QDPR: variants seen among roughly 807,000 people sequenced by gnomAD.
QDPR encodes quinoid dihydropteridine reductase, also known as dihydropteridine reductase.
QDPR carries 23 observed loss-of-function variants against 31.7 expected under a neutral mutation model. That is an observed-to-expected ratio of 0.73 (90% CI 0.52 to 1.03). The LOEUF (loss-of-function observed/expected upper bound fraction) is 1.03, where lower values mean the gene tolerates loss of function less well. Among genes scored for constraint, QDPR ranks in the 50% least tolerant of loss-of-function variants. QDPR has a pLI of 0.00. For missense variants in QDPR, 324 were observed against 323.8 expected, an observed-to-expected ratio of 1.00 and a Z score of 0.00; for synonymous variants, 124 against 124.7, an observed-to-expected ratio of 0.99 and a Z score of 0.03.
chr4:17,511,212 C>T (rs902431369), intron 1 of QDPR, among the ~76,000 whole-genome samples: 2 of 152,154 alleles, frequency 1.3e-5, no homozygotes, highest in African/African-American at 4.8e-5. Flanking sequence ...ATTGCTGAGG[C>T]CTGCTGAGCG....
intron 4 of QDPR, among the ~76,000 whole-genome samples, chr4:17,493,465 G>A (rs927299490): frequency 6.6e-6 from 1 of 152,172 alleles, no homozygotes; most frequent in African/African-American, 2.4e-5. Flanking sequence ...GCAGTCACAA[G>A]TCCTGGGCCA....
intron 2 of QDPR, among the ~76,000 whole-genome samples, chr4:17,507,226 C>A (rs1718818353): frequency 6.6e-6 from 1 of 152,196 alleles, no homozygotes; most frequent in South Asian, 2.1e-4. Flanking sequence ...ATGATCCTGA[C>A]TCCACCACTG....
chr4:17,498,825 C>CA (rs2108991440), intron 4 of QDPR, among the ~76,000 whole-genome samples: 1 of 151,376 alleles, frequency 6.6e-6, no homozygotes, highest in South Asian at 2.1e-4. Flanking sequence ...TTCTGATGTG[C>CA]AAACAAATCT....
Position 17,511,931 on chromosome 4 carries a change from C to T in QDPR, c.105+19G>A, listed in dbSNP as rs1471250298. On this transcript the variant is annotated intron_variant, in intron 1 of 6. Coordinates refer to ENST00000281243, the MANE Select transcript of QDPR (RefSeq NM_000320.3). ...GGCCACCCCCGCGGAGACCCAGCAG[C>T]CCCAGCCCGCAGCATTACCCAGTTG... 1 of 1,606,916 alleles carries T rather than the reference C, an allele frequency of 6.2e-7. No individual in the cohort carries two copies. Among genetic ancestry groups the T allele is most frequent in the Non-Finnish European group, 8.5e-7 (1 of 1,177,118 alleles).
At chr4:17,487,299 C>A in intron 6 of QDPR, 63 bp from the exon 7 acceptor site, 2 of 1,209,930 alleles carry the variant, frequency 1.7e-6, no homozygotes, top group Non-Finnish European at 2.4e-6. Context: ...ACATGCTGAC[C>A]TTCACAGTGA....
chr4:17,493,057 C>G (rs945411713), intron 4 of QDPR, among the ~76,000 whole-genome samples: 1 of 152,188 alleles, frequency 6.6e-6, no homozygotes, highest in South Asian at 2.1e-4. Context: ...CTCTAATCCT[C>G]AGTTGCTGCA....
intron 1 of QDPR, among the ~76,000 whole-genome samples, chr4:17,511,575 G>A (rs1423227975): frequency 6.6e-6 from 1 of 152,102 alleles, no homozygotes; most frequent in African/African-American, 2.4e-5. Flanking sequence ...ATCAATACGC[G>A]GTCTCATGAC....
chr4:17,495,021 C>T (rs77694421), intron 4 of QDPR, among the ~76,000 whole-genome samples: 5,334 of 152,228 alleles, frequency 0.035, 123 homozygotes, highest in East Asian at 0.06. Context: ...CAGCACCTTG[C>T]CAGGGAGATG....
At chr4:17,492,190 GGGGCAGAGGT>G in intron 5 of QDPR, 32 bp downstream of exon 5, 2 of 1,538,940 alleles carry the variant, frequency 1.3e-6, no homozygotes, top group Non-Finnish European at 1.8e-6. Context: ...CTGCAGCAGT[GGGGCAGAGGT>G]GGGCAGCAGC....
intron 6 of QDPR, 28 bp downstream of exon 6, chr4:17,490,634 C>G: frequency 6.4e-7 from 1 of 1,564,776 alleles, no homozygotes; most frequent in East Asian, 2.2e-5. Context: ...GGAAGCTGCT[C>G]AGTCATGGAC....
chr4:17,493,887 A>C (rs1718259446), intron 4 of QDPR, among the ~76,000 whole-genome samples: 1 of 152,142 alleles, frequency 6.6e-6, no homozygotes, highest in Non-Finnish European at 1.5e-5. Flanking sequence ...CCAACCTACT[A>C]ATCACCTTAT....
chr4:17,510,228 T>C (rs1718957275), intron 1 of QDPR, among the ~76,000 whole-genome samples: 1 of 152,184 alleles, frequency 6.6e-6, no homozygotes, highest in Non-Finnish European at 1.5e-5. Context: ...GGGATGGACT[T>C]TAGGATTGGA....
chr4:17,511,969 G>C lies in QDPR; in HGVS notation c.86C>G (p.Ala29Gly). 6.2e-7 allele frequency: 1 copy of C among 1,610,988 alleles called. No individual in the cohort carries two copies. Among genetic ancestry groups the C allele is most frequent in the South Asian group, 1.1e-5 (1 of 91,000 alleles). The change falls in exon 1 of 7, where the codon GCT (alanine) becomes GGT (glycine). Residue 29 changes from alanine to glycine, a missense_variant. Physicochemically the swap from Ala to Gly is moderately conservative, Grantham distance 60. Transcript: ENST00000281243. Reference sequence around the variant, plus strand: ...CATTACCCAGTTGCGGGCCCGAAAAGCCTGCACGCATCGAGAACCCAGAGC... The same window carrying C: ...CATTACCCAGTTGCGGGCCCGAAAACCCTGCACGCATCGAGAACCCAGAGC... Reference protein sequence around the residue: ...RGALGSRCVQAFRARNWWVAS... With the variant: ...RGALGSRCVQGFRARNWWVAS...
chr4:17,496,539 A>C (rs2108990185), intron 4 of QDPR, among the ~76,000 whole-genome samples: 1 of 151,350 alleles, frequency 6.6e-6, no homozygotes, highest in Admixed American at 6.6e-5. Flanking sequence ...TGAGTTTCTC[A>C]ATATTCCAGA....
chr4:17,486,861 C>G lies in QDPR; in HGVS notation c.*270G>C, dbSNP rs761236174. On this transcript the variant is annotated 3_prime_UTR_variant, in exon 7 of 7. Transcript: ENST00000281243. ...TCACAAAAGCGATCCAACATGACAC[C>G]GCTATAGCAGGTGCTATGCAGAGCC... 1.4e-5 allele frequency: 7 copies of G among 483,432 alleles called. No homozygotes were observed. Among genetic ancestry groups the G allele is most frequent in the African/African-American group, 1.4e-4 (7 of 51,256 alleles). 29.9% of individuals were successfully genotyped at this position (483,432 alleles called of 1,614,324 possible). A position where few individuals can be genotyped will look rare whatever the true frequency, so the allele number is the denominator to read the frequency against.
intron 4 of QDPR, among the ~76,000 whole-genome samples, chr4:17,501,347 A>C (rs1718554291): frequency 6.6e-6 from 1 of 152,172 alleles, no homozygotes; most frequent in South Asian, 2.1e-4. Flanking sequence ...TTTTAAACTT[A>C]TGCTATTTCC....
rs746771741 is a variant in QDPR at position 17,487,255 on chromosome 4, G to GT, written c.630-20dup. On this transcript the variant is annotated intron_variant, in intron 6 of 6. Transcript: ENST00000281243. ...GAAAGTTCTGGAACAGAAAATAAAA[G>GT]TTTTTTTTATATTCTCAAAGCAAAA... 1.5e-5 allele frequency: 23 copies of GT among 1,506,108 alleles called. No individual in the cohort carries two copies. Among genetic ancestry groups the GT allele is most frequent in the East Asian group, 5.5e-5 (2 of 36,668 alleles). 93.3% of individuals were successfully genotyped at this position (1,506,108 alleles called of 1,614,324 possible).
At chr4:17,489,505 G>C (rs1341749476) in intron 6 of QDPR, among the ~76,000 whole-genome samples, 2 of 152,154 alleles carry the variant, frequency 1.3e-5, no homozygotes, top group Non-Finnish European at 2.9e-5. Flanking sequence ...TCCTGGCATA[G>C]ACAGAAATAA....
chr4:17,493,707 G>A (rs1718251030), intron 4 of QDPR, among the ~76,000 whole-genome samples: 1 of 152,148 alleles, frequency 6.6e-6, no homozygotes, highest in Non-Finnish European at 1.5e-5. Context: ...CCCTCCCAGT[G>A]CCCTCCATGT....
Sources: gnomAD v4.1 joint callset for allele counts (sites outside exome capture counted in the v4.1 genomes callset) on GRCh38, gnomAD v4.1.1 for gene constraint, MANE v1.5 for transcripts, NCBI Gene and HGNC (gene_info 2026-07-23, HGNC 2026-07-21) for gene names.